Variants in PARD6G observed in about 807,000 individuals in gnomAD.
PARD6G encodes the protein partitioning defective 6 homolog gamma.
In PARD6G, 7 loss-of-function variants were observed where a neutral mutation model predicts 10.7. The observed-to-expected ratio is 0.66, with a 90% CI of 0.37 to 1.23. The LOEUF (loss-of-function observed/expected upper bound fraction) is 1.23, where lower values mean the gene tolerates loss of function less well. Ranked by LOEUF, PARD6G falls within the 50% of genes most tolerant of loss-of-function variation. The pLI, the probability that PARD6G is intolerant of heterozygous loss-of-function variation, is 0.02. For missense variants in PARD6G, 548 were observed against 571.8 expected, an observed-to-expected ratio of 0.96 and a Z score of 0.42; for synonymous variants, 287 against 269.4, an observed-to-expected ratio of 1.07 and a Z score of -0.64.
chr18:80,177,603 AAC>A (rs1199602171), intron 2 of PARD6G, among the ~76,000 whole-genome samples: 1 of 149,930 alleles, frequency 6.7e-6, no homozygotes, highest in Non-Finnish European at 1.5e-5. Flanking sequence ...CATACACACA[AAC>A]ACACAGACAC....
chr18:80,240,705 C>A (rs1476523846), intron 1 of PARD6G, among the ~76,000 whole-genome samples: 1 of 152,144 alleles, frequency 6.6e-6, no homozygotes, highest in Non-Finnish European at 1.5e-5. Flanking sequence ...ACTATCAGAG[C>A]AATTTCAGGG....
intron 1 of PARD6G, among the ~76,000 whole-genome samples, chr18:80,213,342 G>T (rs1461961605): frequency 6.6e-6 from 1 of 152,126 alleles, no homozygotes; most frequent in Non-Finnish European, 1.5e-5. Context: ...AAGACCTGAG[G>T]CACCTGTGAT....
At chr18:80,196,249 C>G (rs1966955175) in intron 2 of PARD6G, among the ~76,000 whole-genome samples, 1 of 152,028 alleles carries the variant, frequency 6.6e-6, no homozygotes, top group Admixed American at 6.6e-5. Flanking sequence ...ATATTATGAC[C>G]CTGTTTGTGT....
chr18:80,218,331 G>T (rs917893626), intron 1 of PARD6G, among the ~76,000 whole-genome samples: 1 of 152,006 alleles, frequency 6.6e-6, no homozygotes, highest in Non-Finnish European at 1.5e-5. Flanking sequence ...TACAGGCATT[G>T]GGTAAATACA....
Position 80,188,866 on chromosome 18 carries a change from C to T in PARD6G, c.295+13844G>A, listed in dbSNP as rs2052893425. On this transcript the variant is annotated intron_variant, in intron 2 of 2. Coordinates refer to ENST00000353265, the MANE Select transcript of PARD6G (RefSeq NM_032510.4). This position sits in a 1 kb window ranked among gnomAD's most constrained non-coding sequence, Gnocchi z 5.4. ...GGCGGGTGCAATCCCTACCGTTTCC[C>T]CACGTTCGTGAGGGAGGTGTGGACT... Among the ~76,000 whole-genome samples the T allele has an allele frequency of 6.6e-6, 1 of 152,204 alleles. No individual in the cohort carries two copies. Among genetic ancestry groups the T allele is most frequent in the Non-Finnish European group, 1.5e-5 (1 of 68,040 alleles).
At chr18:80,187,809 T>C (rs1439955194) in intron 2 of PARD6G, 3 of 152,216 alleles carry the variant, frequency 2.0e-5, no homozygotes, top group Non-Finnish European at 4.4e-5. Flanking sequence ...CAAACATCCT[T>C]GAGCGCACTC....
intron 1 of PARD6G, among the ~76,000 whole-genome samples, chr18:80,232,020 A>G (rs887872915): frequency 5.9e-5 from 9 of 152,104 alleles, no homozygotes; most frequent in African/African-American, 1.2e-4. Context: ...GCGTTCCTAC[A>G]CTTGTCCCTT....
chr18:80,209,120 CAAACAAAA>C (rs1393604787), intron 1 of PARD6G, among the ~76,000 whole-genome samples: 4 of 149,764 alleles, frequency 2.7e-5, no homozygotes, highest in Non-Finnish European at 5.9e-5. Context: ...AACAAACAAA[CAAACAAAA>C]AAAAAAAACA....
In PARD6G at chr18:80,200,078, A is replaced by C. The variant is rs1966994976; in HGVS notation, c.295+2632T>G. ...AAATAAAATACGTCCGTGTACAGAA[A>C]GTTATTAAGTAAATGACACAGTGGG... On this transcript the variant is annotated intron_variant, in intron 2 of 2. Transcript: ENST00000353265. This position sits in a 1 kb window ranked among gnomAD's most constrained non-coding sequence, Gnocchi z 4.4. 6.6e-6 allele frequency among the ~76,000 whole-genome samples: 1 copy of C among 152,190 alleles called. No homozygotes were observed. The highest frequency in any genetic ancestry group is 2.4e-5 in the African/African-American group (1 of 41,436).
At chr18:80,238,312 A>C (rs1313697167) in intron 1 of PARD6G, among the ~76,000 whole-genome samples, 1 of 152,104 alleles carries the variant, frequency 6.6e-6, no homozygotes, top group Non-Finnish European at 1.5e-5. Context: ...GGACACAGGA[A>C]GGGGAACATC....
rs1410707925 is a variant in PARD6G, at chr18:80,231,894, TATAATAGCACA to T, written c.72+15372_72+15382del. 2.0e-5 allele frequency among the ~76,000 whole-genome samples: 3 copies of T among 152,126 alleles called. No homozygotes were observed. The highest frequency in any genetic ancestry group is 3.9e-4 in the East Asian group (2 of 5,150). ...GGCAGACCTCTTGCATGTATGGAGT[TATAATAGCACA>T]GGATAGTAAGCCTGTTTTGGGCTCA... On this transcript the variant is annotated intron_variant, in intron 1 of 2. Coordinates refer to ENST00000353265, the MANE Select transcript of PARD6G (RefSeq NM_032510.4). The surrounding 1 kb of genome is among the most constrained non-coding windows in gnomAD (Gnocchi z 4.2).
At chr18:80,213,704 A>T (rs1250816233) in intron 1 of PARD6G, among the ~76,000 whole-genome samples, 1 of 152,182 alleles carries the variant, frequency 6.6e-6, no homozygotes, top group Non-Finnish European at 1.5e-5. Context: ...CACGCCTGTA[A>T]TCCCAGCACT....
chr18:80,246,126 T>C lies in PARD6G; in HGVS notation c.72+1151A>G, dbSNP rs957361661. ...GGGAACACCCGCCCTGCGCCCAAGA[T>C]AGGCACACAGTTAGGGGTGCGGGCT... On this transcript the variant is annotated intron_variant, in intron 1 of 2. Coordinates refer to ENST00000353265, the MANE Select transcript of PARD6G (RefSeq NM_032510.4). The surrounding 1 kb of genome is among the most constrained non-coding windows in gnomAD (Gnocchi z 6.7). Among the ~76,000 whole-genome samples, 3 of 151,870 alleles carry C rather than the reference T, an allele frequency of 2.0e-5. No homozygotes were observed. Among genetic ancestry groups the C allele is most frequent in the African/African-American group, 7.3e-5 (3 of 41,342 alleles).
rs1174154648 is a variant in PARD6G, at chr18:80,201,181, G to A, written c.295+1529C>T. Among the ~76,000 whole-genome samples, 2 of 152,168 alleles carry A rather than the reference G, an allele frequency of 1.3e-5. No homozygotes were observed. Among genetic ancestry groups the A allele is most frequent in the Non-Finnish European group, 2.9e-5 (2 of 68,022 alleles). ...GAAGCCGAGTAAGAGGACAGAGGAC[G>A]ACAGGCAGAGGGGAACACGGGCTCA... On this transcript the variant is annotated intron_variant, in intron 2 of 2. Coordinates refer to ENST00000353265, the MANE Select transcript of PARD6G (RefSeq NM_032510.4). The surrounding 1 kb of genome is among the most constrained non-coding windows in gnomAD (Gnocchi z 5.9).
At chr18:80,245,496 C>G (rs1242162169) in intron 1 of PARD6G, among the ~76,000 whole-genome samples, 1 of 152,112 alleles carries the variant, frequency 6.6e-6, no homozygotes, top group Non-Finnish European at 1.5e-5. Flanking sequence ...GTGTGTCACG[C>G]TGCTGAGACC....
chr18:80,225,631 T>G (rs1220170314), intron 1 of PARD6G, among the ~76,000 whole-genome samples: 1 of 152,240 alleles, frequency 6.6e-6, no homozygotes, highest in Non-Finnish European at 1.5e-5. Flanking sequence ...GCATTTCTAT[T>G]GTCCTTTGTC....
rs1054727302 is a variant in PARD6G at position 80,246,977 on chromosome 18, CCT to C, written c.72+298_72+299del. ...TCCAATGTGTGGCGCGCCCCGATCG[CCT>C]CTCACTCGTGGAACAAAAGAGCAGC... On this transcript the variant is annotated intron_variant, in intron 1 of 2. Coordinates refer to ENST00000353265, the MANE Select transcript of PARD6G (RefSeq NM_032510.4). This position sits in a 1 kb window ranked among gnomAD's most constrained non-coding sequence, Gnocchi z 6.7. Among the ~76,000 whole-genome samples, 9 of 152,184 alleles carry C rather than the reference CCT, an allele frequency of 5.9e-5. No individual in the cohort carries two copies. Among genetic ancestry groups the C allele is most frequent in the African/African-American group, 2.2e-4 (9 of 41,456 alleles).
chr18:80,160,325 T>G lies in PARD6G; in HGVS notation c.577A>C (p.Ile193Leu), dbSNP rs2052689994. Reference sequence around the variant, plus strand: ...CCGGGTACCATGCGCGAGATGAAGATGCCGGGCACCTTCTCCAGCCCGTGC... The same window carrying G: ...CCGGGTACCATGCGCGAGATGAAGAGGCCGGGCACCTTCTCCAGCCCGTGC... ...TPHGLEKVPG[I>L]FISRMVPGGL... The change falls in exon 3 of 3, where the codon ATC (isoleucine) becomes CTC (leucine). Residue 193 changes from isoleucine (I) to leucine (L), a missense_variant. Ile to Leu is a conservative substitution (Grantham distance 5). Around this residue, in one of 2 missense-constraint regions of PARD6G, gnomAD observed 235 missense variants for 291.9 expected, o/e 0.81. Coordinates refer to ENST00000353265, the MANE Select transcript of PARD6G (RefSeq NM_032510.4). The G allele has an allele frequency of 6.2e-7, 1 of 1,611,938 alleles. No individual in the cohort carries two copies. The highest frequency in any genetic ancestry group is 1.1e-5 in the South Asian group (1 of 91,080).
At chr18:80,210,517 C>T (rs777188722) in intron 1 of PARD6G, among the ~76,000 whole-genome samples, 1 of 152,190 alleles carries the variant, frequency 6.6e-6, no homozygotes, top group Non-Finnish European at 1.5e-5. Flanking sequence ...ATCGTCAGAC[C>T]TGTCTTGCAG....
Sources: gnomAD v4.1 joint callset for allele counts (sites outside exome capture counted in the v4.1 genomes callset) on GRCh38, gnomAD v4.1.1 for gene constraint, gnomAD v4.1.1 regional missense constraint, Gnocchi (gnomAD v3.1) non-coding constraint, MANE v1.5 for transcripts, NCBI Gene and HGNC (gene_info 2026-07-23, HGNC 2026-07-21) for gene names.